The following AHI1 variants were observed in gnomAD, a reference collection of about 807,000 sequenced individuals.
The protein encoded by AHI1 is Abelson helper integration site 1.
In AHI1, 123 loss-of-function variants were observed where a neutral mutation model predicts 149.3. The observed-to-expected ratio is 0.82, with a 90% CI of 0.71 to 0.96. AHI1 has a LOEUF of 0.96. AHI1 is among the 40% of genes least tolerant of loss of function. The pLI, the probability that AHI1 is intolerant of heterozygous loss-of-function variation, is 0.00. For synonymous variants in AHI1, 475 were observed against 459.8 expected, an observed-to-expected ratio of 1.03 and a Z score of -0.42; for missense variants, 1,439 against 1,422.7, an observed-to-expected ratio of 1.01 and a Z score of -0.18.
intron 23 of AHI1, among the ~76,000 whole-genome samples, chr6:135,374,098 ATATATATATATTT>A (rs1230532066): frequency 7.6e-4 from 18 of 23,702 alleles, no homozygotes; most frequent in Admixed American, 2.5e-3. Context: ...ATATATATAT[ATATATATATATTT>A]TTTTTTTTTT....
At chr6:135,311,513 C>T (rs1785208882) in intron 26 of AHI1, among the ~76,000 whole-genome samples, 1 of 151,988 alleles carries the variant, frequency 6.6e-6, no homozygotes, top group Non-Finnish European at 1.5e-5. Context: ...CTATTCTTCA[C>T]TGGTTAAAAT....
At chr6:135,483,009 G>A (rs986940152) in intron 5 of AHI1, among the ~76,000 whole-genome samples, 5 of 146,608 alleles carry the variant, frequency 3.4e-5, no homozygotes, top group East Asian at 2.0e-4. Context: ...CTCCTGCCTC[G>A]GCCTCCCAAG....
In AHI1 at chr6:135,405,609, C is replaced by G. The variant is rs1018836217; in HGVS notation, c.2962-632G>C. 6.6e-5 allele frequency among the ~76,000 whole-genome samples: 10 copies of G among 151,828 alleles called. No individual in the cohort carries two copies. In the South Asian group the frequency reaches 2.1e-3, roughly 32 times the overall value. On this transcript the variant is annotated intron_variant, in intron 21 of 28. Transcript: ENST00000265602. ...GTACGGTGGCTCACGCCTTGTAATC[C>G]CAGCACTTTGGGAGGCCGAGGCAGG...
At chr6:135,434,073 T>C (rs570019077) in intron 15 of AHI1, among the ~76,000 whole-genome samples, 2 of 152,182 alleles carry the variant, frequency 1.3e-5, no homozygotes, top group South Asian at 4.1e-4. Context: ...TTTTTAAATA[T>C]ATTTTGTTAA....
intron 22 of AHI1, 70 bp downstream of exon 22, chr6:135,404,881 G>C (rs1780533256): frequency 7.3e-7 from 1 of 1,372,848 alleles, no homozygotes; most frequent in Non-Finnish European, 1.0e-6. Flanking sequence ...CTCTATGAAT[G>C]GTGCATTCCA....
chr6:135,477,025 T>C (rs989201563), intron 5 of AHI1, among the ~76,000 whole-genome samples: 3 of 151,936 alleles, frequency 2.0e-5, no homozygotes, highest in Non-Finnish European at 4.4e-5. Context: ...TTGTTTTTTG[T>C]CTCTTTGTCC....
intron 26 of AHI1, among the ~76,000 whole-genome samples, chr6:135,312,008 A>G (rs971395431): frequency 1.3e-5 from 2 of 152,232 alleles, no homozygotes; most frequent in African/African-American, 4.8e-5. Flanking sequence ...TTAGCAACAG[A>G]GCAGGTGTGT....
chr6:135,347,991 A>T (rs548224151), intron 24 of AHI1, among the ~76,000 whole-genome samples: 4 of 152,308 alleles, frequency 2.6e-5, no homozygotes, highest in East Asian at 1.9e-4. Flanking sequence ...ATTTTACTTA[A>T]TCTTTATGCA....
chr6:135,329,472 A>C (rs1349703084), intron 24 of AHI1, among the ~76,000 whole-genome samples: 2 of 152,210 alleles, frequency 1.3e-5, no homozygotes, highest in Non-Finnish European at 2.9e-5. Flanking sequence ...CCATCCATCT[A>C]CAGCACAGTT....
chr6:135,465,716 G>T (rs17064562), intron 7 of AHI1, 98 bp downstream of exon 7: 8 of 1,009,750 alleles, frequency 7.9e-6, no homozygotes, highest in Non-Finnish European at 1.1e-5. Context: ...AAATAAAAGC[G>T]TAAGAATTTT....
intron 23 of AHI1, among the ~76,000 whole-genome samples, chr6:135,374,230 A>G (rs1775563160): frequency 6.7e-6 from 1 of 148,498 alleles, no homozygotes; most frequent in Non-Finnish European, 1.5e-5. Flanking sequence ...CTCCTGCCTC[A>G]GCCTCCCGAG....
At chr6:135,402,270 A>G (rs1562678958) in intron 22 of AHI1, among the ~76,000 whole-genome samples, 1 of 152,186 alleles carries the variant, frequency 6.6e-6, no homozygotes, top group Non-Finnish European at 1.5e-5. Flanking sequence ...GGAGTTCTTC[A>G]AAGTGTCAAA....
At chr6:135,394,067 TTC>T (rs1172943152) in intron 23 of AHI1, among the ~76,000 whole-genome samples, 1 of 152,148 alleles carries the variant, frequency 6.6e-6, no homozygotes, top group Non-Finnish European at 1.5e-5. Context: ...TACGCAAATT[TTC>T]TTTTTCATAT....
At chr6:135,361,655 A>T (rs1466109098) in intron 23 of AHI1, among the ~76,000 whole-genome samples, 13 of 121,368 alleles carry the variant, frequency 1.1e-4, no homozygotes, top group Admixed American at 3.0e-4. Flanking sequence ...TCACACACAC[A>T]CACACACACA....
chr6:135,318,659 A>C, intron 25 of AHI1, 43 bp from the exon 26 acceptor site: 1 of 1,317,950 alleles, frequency 7.6e-7, no homozygotes, highest in Non-Finnish European at 1.1e-6. Flanking sequence ...ATTGAGGAGC[A>C]CTGCTCCATG....
At chr6:135,403,792 T>A (rs984504841) in intron 22 of AHI1, among the ~76,000 whole-genome samples, 2 of 152,128 alleles carry the variant, frequency 1.3e-5, no homozygotes, top group African/African-American at 2.4e-5. Context: ...CTTGTTCTCT[T>A]TTCCCCCCTC....
intron 22 of AHI1, among the ~76,000 whole-genome samples, chr6:135,403,093 T>C (rs965463531): frequency 1.3e-5 from 2 of 152,150 alleles, no homozygotes; most frequent in African/African-American, 4.8e-5. Flanking sequence ...GACAAATCTA[T>C]AAAGCATATT....
intron 26 of AHI1, among the ~76,000 whole-genome samples, chr6:135,318,022 A>T (rs1048051943): frequency 3.3e-5 from 5 of 152,258 alleles, no homozygotes; most frequent in Non-Finnish European, 5.9e-5. Flanking sequence ...CACAGACTAA[A>T]ATACATGACA....
chr6:135,382,954 T>TATATATACAC (rs770394314), intron 23 of AHI1, among the ~76,000 whole-genome samples: 2 of 100,050 alleles, frequency 2.0e-5, no homozygotes, highest in Admixed American at 1.3e-4. Flanking sequence ...TATATATATA[T>TATATATACAC]ACATATAAAA....
Sources: gnomAD v4.1 joint callset for allele counts (sites outside exome capture counted in the v4.1 genomes callset) on GRCh38, gnomAD v4.1.1 for gene constraint, MANE v1.5 for transcripts, NCBI Gene and HGNC (gene_info 2026-07-23, HGNC 2026-07-21) for gene names.